The following KSR2 variants were observed in gnomAD, a reference collection of about 807,000 sequenced individuals.
KSR2 encodes the protein kinase suppressor of ras 2.
In KSR2, 25 loss-of-function variants were observed where a neutral mutation model predicts 107.8. The observed-to-expected ratio is 0.23, with a 90% CI of 0.17 to 0.32. KSR2 has a LOEUF of 0.32. Among genes scored for constraint, KSR2 ranks in the 10% least tolerant of loss-of-function variants. KSR2 has a pLI of 1.00. For missense variants in KSR2, 887 were observed against 1,268.9 expected, an observed-to-expected ratio of 0.70 and a Z score of 4.57; for synonymous variants, 480 against 507.0, an observed-to-expected ratio of 0.95 and a Z score of 0.71.
At chr12:117,491,391 GC>G (rs1348797611) in intron 14 of KSR2, among the ~76,000 whole-genome samples, 1 of 152,112 alleles carries the variant, frequency 6.6e-6, no homozygotes, top group Non-Finnish European at 1.5e-5. Flanking sequence ...TGTTGGCCAG[GC>G]TGGTCTTGAA....
chr12:117,641,153 A>G (rs1593082291), intron 5 of KSR2, among the ~76,000 whole-genome samples: 2 of 152,178 alleles, frequency 1.3e-5, no homozygotes, highest in South Asian at 2.1e-4. Flanking sequence ...GCTGGAGTGC[A>G]GTGGTGCAAT....
intron 3 of KSR2, among the ~76,000 whole-genome samples, chr12:117,789,826 C>T (rs1367481635): frequency 6.6e-6 from 1 of 152,220 alleles, no homozygotes; most frequent in African/African-American, 2.4e-5. Flanking sequence ...GACAAGGTCC[C>T]CATCCCTGCT....
At chr12:117,628,511 C>A (rs1417355541) in intron 5 of KSR2, among the ~76,000 whole-genome samples, 1 of 152,182 alleles carries the variant, frequency 6.6e-6, no homozygotes, top group South Asian at 2.1e-4. Context: ...CCCTGTTTGC[C>A]TGGGTATCAC....
intron 4 of KSR2, among the ~76,000 whole-genome samples, chr12:117,691,360 T>G (rs1224223267): frequency 1.3e-5 from 2 of 152,180 alleles, no homozygotes; most frequent in Non-Finnish European, 2.9e-5. Flanking sequence ...CAGGGGACAC[T>G]GAGTCACTGA....
At chr12:117,624,436 T>C (rs928407503) in intron 5 of KSR2, among the ~76,000 whole-genome samples, 1 of 152,252 alleles carries the variant, frequency 6.6e-6, no homozygotes, top group African/African-American at 2.4e-5. Context: ...GCTTTCTACA[T>C]ATGGCTAGCC....
intron 5 of KSR2, among the ~76,000 whole-genome samples, chr12:117,619,258 C>T (rs1017056741): frequency 7.9e-5 from 12 of 151,394 alleles, no homozygotes; most frequent in Admixed American, 6.6e-4. Context: ...ATGTGCACAA[C>T]GTGCCAGTTA....
chr12:117,860,501 C>A, intron 1 of KSR2, 70 bp from the exon 2 acceptor site: 2 of 1,428,450 alleles, frequency 1.4e-6, no homozygotes, highest in Middle Eastern at 1.8e-4. Flanking sequence ...AGGCGAGAAC[C>A]CCCTACGAAC....
intron 1 of KSR2, among the ~76,000 whole-genome samples, chr12:117,928,343 C>T (rs1406765168): frequency 1.3e-5 from 2 of 151,936 alleles, no homozygotes; most frequent in Non-Finnish European, 2.9e-5. Flanking sequence ...CCACCATACC[C>T]GGCTAATTTT....
chr12:117,551,623 G>T lies in KSR2; in HGVS notation c.1518+3546C>A, dbSNP rs1243232719. On this transcript the variant is annotated intron_variant, in intron 9 of 19. Transcript: ENST00000339824. ...GGGCCTTTGTGAACCTGGATTGACT[G>T]AACTAGACAGGAGACAAGACAAAGA... Among the ~76,000 whole-genome samples the T allele has an allele frequency of 2.0e-5, 3 of 151,990 alleles. No individual in the cohort carries two copies. In the East Asian group the frequency reaches 5.8e-4, roughly 29 times the overall value.
At position 117,460,117 on chromosome 12, in the gene KSR2, C is replaced by T. The variant is rs186747140; in HGVS notation, c.*7082G>A. 1.4e-4 allele frequency: 22 copies of T among 152,274 alleles called. No individual in the cohort carries two copies. Among genetic ancestry groups the T allele is most frequent in the East Asian group, 9.7e-4 (5 of 5,180 alleles). The allele number at this position is 152,274 out of a possible 1,614,324, so 9.4% of individuals were successfully genotyped here. ...CAGGACCCTTTCAATAATGCAAATC[C>T]GGCGAGTTTTCCATGGAATGAAAGG... On this transcript the variant is annotated 3_prime_UTR_variant, in exon 20 of 20. Coordinates refer to ENST00000339824, the MANE Select transcript of KSR2 (RefSeq NM_173598.6).
At chr12:117,771,236 T>C (rs1291340129) in intron 3 of KSR2, among the ~76,000 whole-genome samples, 2 of 152,214 alleles carry the variant, frequency 1.3e-5, no homozygotes, top group Non-Finnish European at 2.9e-5. Context: ...TTCACTGAGA[T>C]AAATGCATAT....
At chr12:117,753,893 T>C (rs1888694870) in intron 4 of KSR2, among the ~76,000 whole-genome samples, 1 of 151,050 alleles carries the variant, frequency 6.6e-6, no homozygotes, top group Admixed American at 6.6e-5. Context: ...ATTTCCAAAG[T>C]TGTTTCAACT....
intron 19 of KSR2, among the ~76,000 whole-genome samples, chr12:117,469,231 G>T (rs1184587567): frequency 6.6e-6 from 1 of 152,204 alleles, no homozygotes; most frequent in Non-Finnish European, 1.5e-5. Flanking sequence ...TCATGCAATA[G>T]AGAATGCTGG....
At chr12:117,656,889 T>C (rs1884178703) in intron 5 of KSR2, among the ~76,000 whole-genome samples, 1 of 148,156 alleles carries the variant, frequency 6.7e-6, no homozygotes, top group Non-Finnish European at 1.5e-5. Context: ...TCATGTAAGT[T>C]AATACTTAAT....
intron 14 of KSR2, among the ~76,000 whole-genome samples, chr12:117,495,114 T>C (rs760254724): frequency 1.3e-5 from 2 of 152,204 alleles, no homozygotes; most frequent in South Asian, 2.1e-4. Context: ...TCAGCTGTTA[T>C]TTCAAAAAAC....
intron 5 of KSR2, among the ~76,000 whole-genome samples, chr12:117,608,638 A>T (rs1565924201): frequency 6.6e-6 from 1 of 152,216 alleles, no homozygotes; most frequent in African/African-American, 2.4e-5. Context: ...ACAGAAGAAA[A>T]AAATAAATAA....
chr12:117,740,937 G>C (rs1420318145), intron 4 of KSR2, among the ~76,000 whole-genome samples: 1 of 152,094 alleles, frequency 6.6e-6, no homozygotes, highest in Non-Finnish European at 1.5e-5. Flanking sequence ...ATCTTCTTGG[G>C]GGAATCCCCC....
chr12:117,645,051 A>G (rs1883552547), intron 5 of KSR2, among the ~76,000 whole-genome samples: 1 of 152,236 alleles, frequency 6.6e-6, no homozygotes, highest in Non-Finnish European at 1.5e-5. Flanking sequence ...TCAGTTCAGG[A>G]TAAACATGTA....
intron 9 of KSR2, among the ~76,000 whole-genome samples, chr12:117,541,408 C>A (rs1166041921): frequency 6.6e-6 from 1 of 152,212 alleles, no homozygotes; most frequent in Admixed American, 6.5e-5. Context: ...CAGATTGGTG[C>A]TGCCTGAAGC....
Sources: gnomAD v4.1 joint callset for allele counts (sites outside exome capture counted in the v4.1 genomes callset) on GRCh38, gnomAD v4.1.1 for gene constraint, MANE v1.5 for transcripts, NCBI Gene and HGNC (gene_info 2026-07-23, HGNC 2026-07-21) for gene names.